PDSS2: variants seen among roughly 807,000 people sequenced by gnomAD.
The protein encoded by PDSS2 is decaprenyl diphosphate synthase subunit 2.
A neutral mutation model predicts 44.5 loss-of-function variants in PDSS2; 31 were observed. The observed-to-expected ratio is 0.70, with a 90% CI of 0.52 to 0.94. The LOEUF is 0.94. Ranked by LOEUF, PDSS2 falls within the 40% of genes least tolerant of loss-of-function variation. The probability of loss-of-function intolerance (pLI) is 0.00; values close to 1 mark genes in which losing one functional copy is unlikely to be tolerated. For synonymous variants in PDSS2, 157 were observed against 180.3 expected (o/e 0.87, Z 1.03); for missense variants, 452 against 482.2 (o/e 0.94, Z 0.59).
chr6:107,399,622 C>G (rs1268401792), intron 1 of PDSS2, among the ~76,000 whole-genome samples: 1 of 152,124 alleles, frequency 6.6e-6, no homozygotes, highest in Non-Finnish European at 1.5e-5. Context: ...ATGTGCTATT[C>G]ATTTTTAAAA....
At chr6:107,288,753 GTTTTTTTT>G (rs35762837) in intron 2 of PDSS2, among the ~76,000 whole-genome samples, 1 of 72,742 alleles carries the variant, frequency 1.4e-5, no homozygotes, top group East Asian at 5.0e-4. Flanking sequence ...GGACGAAATT[GTTTTTTTT>G]TTTTTTTTTT....
chr6:107,341,480 A>T (rs1778077466), intron 1 of PDSS2, among the ~76,000 whole-genome samples: 1 of 152,220 alleles, frequency 6.6e-6, no homozygotes, highest in Non-Finnish European at 1.5e-5. Flanking sequence ...GTTGGGAAGC[A>T]TCTTCATAGA....
intron 2 of PDSS2, among the ~76,000 whole-genome samples, chr6:107,276,895 C>T (rs182194277): frequency 1.8e-4 from 27 of 152,252 alleles, no homozygotes; most frequent in African/African-American, 6.3e-4. Flanking sequence ...TCCAGCTGTC[C>T]CAGTCAAGCC....
chr6:107,411,403 T>C (rs957718704), intron 1 of PDSS2, among the ~76,000 whole-genome samples: 3 of 152,238 alleles, frequency 2.0e-5, no homozygotes, highest in African/African-American at 7.2e-5. Flanking sequence ...ACCAAACTTT[T>C]GAGTTTTTAC....
chr6:107,320,059 G>A (rs1376326536), intron 2 of PDSS2, among the ~76,000 whole-genome samples: 2 of 152,072 alleles, frequency 1.3e-5, no homozygotes. Flanking sequence ...TTTCTCACTC[G>A]CCTTCATTGG....
intron 1 of PDSS2, among the ~76,000 whole-genome samples, chr6:107,392,169 C>A (rs971096145): frequency 1.3e-5 from 2 of 152,124 alleles, no homozygotes; most frequent in African/African-American, 4.8e-5. Flanking sequence ...TAGAACCTTT[C>A]TCTAATTAAA....
intron 1 of PDSS2, among the ~76,000 whole-genome samples, chr6:107,398,669 C>T (rs1415560613): frequency 6.6e-6 from 1 of 152,200 alleles, no homozygotes; most frequent in African/African-American, 2.4e-5. Flanking sequence ...TTAGCAAATA[C>T]CTAGTGGAGA....
Position 107,216,931 on chromosome 6 carries a change from C to A in PDSS2, c.703-4649G>T, listed in dbSNP as rs553836096. Among the ~76,000 whole-genome samples the A allele has an allele frequency of 2.0e-5, 3 of 152,194 alleles. No homozygotes were observed. In the East Asian group the frequency reaches 5.8e-4, roughly 29 times the overall value. On this transcript the variant is annotated intron_variant, in intron 4 of 7. Coordinates refer to ENST00000369037, the MANE Select transcript of PDSS2 (RefSeq NM_020381.4). Reference sequence around the variant, plus strand: ...CAAAATAGAAAGTCCAGAAAGCAACCAAACTATATATAGGGATTTGCTATA... The same window carrying A: ...CAAAATAGAAAGTCCAGAAAGCAACAAAACTATATATAGGGATTTGCTATA...
intron 1 of PDSS2, among the ~76,000 whole-genome samples, chr6:107,415,374 T>A (rs1780625818): frequency 6.6e-6 from 1 of 152,114 alleles, no homozygotes; most frequent in East Asian, 1.9e-4. Context: ...TTCTACTACT[T>A]ACCAGCTACA....
intron 1 of PDSS2, 55 bp downstream of exon 1, chr6:107,458,935 G>GA (rs1034200311): frequency 3.4e-5 from 53 of 1,549,228 alleles, no homozygotes; most frequent in Middle Eastern, 1.7e-4. Context: ...ATGCCCGCCA[G>GA]AAAAAAAAGT....
chr6:107,429,251 G>A (rs1781096990), intron 1 of PDSS2, among the ~76,000 whole-genome samples: 1 of 152,160 alleles, frequency 6.6e-6, no homozygotes, highest in African/African-American at 2.4e-5. Flanking sequence ...TGGAAAGTGG[G>A]GAGTGGCAAG....
chr6:107,384,451 G>T (rs1779548823), intron 1 of PDSS2, among the ~76,000 whole-genome samples: 2 of 152,078 alleles, frequency 1.3e-5, no homozygotes, highest in Admixed American at 6.6e-5. Context: ...GACCAGCCTG[G>T]CCAACATGGT....
At chr6:107,236,240 GA>G (rs1774218091) in intron 4 of PDSS2, among the ~76,000 whole-genome samples, 1 of 152,118 alleles carries the variant, frequency 6.6e-6, no homozygotes, top group South Asian at 2.1e-4. Flanking sequence ...AATATGGAAG[GA>G]AAACTAAATT....
intron 4 of PDSS2, among the ~76,000 whole-genome samples, chr6:107,221,660 C>T (rs566954228): frequency 6.6e-6 from 1 of 152,240 alleles, no homozygotes; most frequent in East Asian, 1.9e-4. Flanking sequence ...GATAGTGGTA[C>T]TGGTGGTTTT....
chr6:107,170,632 C>T (rs11964209), intron 7 of PDSS2, among the ~76,000 whole-genome samples: 1,729 of 111,826 alleles, frequency 0.015, 46 homozygotes, highest in African/African-American at 0.057. Context: ...TTTTTTTTTT[C>T]TGAGACAGCC....
chr6:107,385,545 A>G (rs1355040918), intron 1 of PDSS2, among the ~76,000 whole-genome samples: 1 of 152,216 alleles, frequency 6.6e-6, no homozygotes, highest in East Asian at 1.9e-4. Context: ...ACATTTGGAT[A>G]TGTTACACTG....
chr6:107,372,957 TA>T (rs1375805897), intron 1 of PDSS2, among the ~76,000 whole-genome samples: 1 of 151,888 alleles, frequency 6.6e-6, no homozygotes, highest in Non-Finnish European at 1.5e-5. Context: ...ACTTGACTTT[TA>T]TTTTTGCCTG....
intron 1 of PDSS2, among the ~76,000 whole-genome samples, chr6:107,428,179 C>T (rs933960717): frequency 8.5e-5 from 13 of 152,166 alleles, no homozygotes; most frequent in African/African-American, 2.9e-4. Context: ...CTTTAAGGTG[C>T]AAGTCAATCC....
rs140977129 is a variant in PDSS2, at chr6:107,220,453, G to T, written c.703-8171C>A. On this transcript the variant is annotated intron_variant, in intron 4 of 7. Coordinates refer to ENST00000369037, the MANE Select transcript of PDSS2 (RefSeq NM_020381.4). ...ATATAGATATGAAGATTAATAAACA[G>T]CCTGTCCTCAAGAAGCTCACAGTCC... Among the ~76,000 whole-genome samples, 107 of 152,050 alleles carry T rather than the reference G, an allele frequency of 7.0e-4. 2 individuals are homozygous for T. Among genetic ancestry groups the T allele is most frequent in the African/African-American group, 2.4e-3 (99 of 41,502 alleles).
Sources: allele counts gnomAD v4.1 joint callset (sites outside exome capture counted in the v4.1 genomes callset), GRCh38; gene constraint gnomAD v4.1.1; transcripts MANE v1.5; gene names NCBI Gene and HGNC (gene_info 2026-07-23, HGNC 2026-07-21).